C2CD3: variants seen among roughly 807,000 people sequenced by gnomAD.
C2CD3 encodes C2 domain containing 3 centriole elongation regulator, also known as C2 domain-containing protein 3.
A neutral mutation model predicts 234.0 loss-of-function variants in C2CD3; 148 were observed. That is an observed-to-expected ratio of 0.63 (90% CI 0.55 to 0.72). The LOEUF (loss-of-function observed/expected upper bound fraction) is 0.72, where lower values mean the gene tolerates loss of function less well. Ranked by LOEUF, C2CD3 falls within the 30% of genes least tolerant of loss-of-function variation. The probability of loss-of-function intolerance (pLI) is 0.00; values close to 1 mark genes in which losing one functional copy is unlikely to be tolerated. For synonymous variants in C2CD3, 1,000 were observed against 1,035.4 expected (o/e 0.97, Z 0.66); for missense variants, 2,577 against 2,811.5 (o/e 0.92, Z 1.89).
At chr11:74,140,050 T>G (rs1229156107) in intron 3 of C2CD3, among the ~76,000 whole-genome samples, 1 of 129,918 alleles carries the variant, frequency 7.7e-6, no homozygotes, top group African/African-American at 3.0e-5. Context: ...CCCCATTCCC[T>G]AGAGGATTGT....
At chr11:74,021,995 A>G (rs1352534212) in intron 32 of C2CD3, among the ~76,000 whole-genome samples, 2 of 152,124 alleles carry the variant, frequency 1.3e-5, no homozygotes, top group African/African-American at 2.4e-5. Context: ...GCGTGATGGC[A>G]CGCGCCTATA....
At chr11:74,129,091 A>G (rs1957528817) in intron 7 of C2CD3, 2 of 172,710 alleles carry the variant, frequency 1.2e-5, no homozygotes, top group Non-Finnish European at 2.3e-5. Flanking sequence ...GTGGCCGGGC[A>G]GAGGGGCTCC....
rs1239289498 is a variant in C2CD3 at position 74,078,449 on chromosome 11, A to AAGC, written c.4266_4268dup (p.Leu1423dup). 6.2e-7 allele frequency: 1 copy of AAGC among 1,614,206 alleles called. No individual in the cohort carries two copies. Among genetic ancestry groups the AAGC allele is most frequent in the Admixed American group, 1.7e-5 (1 of 60,024 alleles). On this transcript the variant is annotated inframe_insertion, in exon 23 of 33. Coordinates refer to ENST00000334126, the MANE Select transcript of C2CD3 (RefSeq NM_001286577.2). Reference sequence around the variant, plus strand: ...TCTTATGAATGTGGTTGTGGCCAGCAAGCAGCACACAATGGATGGGCAGCC... The same window carrying AAGC: ...TCTTATGAATGTGGTTGTGGCCAGCAAGCAGCAGCACACAATGGATGGGCAGCC...
chr11:74,098,233 G>A lies in C2CD3; in HGVS notation c.2755C>T (p.Leu919=), dbSNP rs17132707. ...SFKDAKISRL[L]LDAQYPVVAV... ...ACAACTGGGTACTGGGCATCCAGCA[G>A]CAGGCGAGAAATCTTAGCATCTCTA... The change falls in exon 16 of 33, where the codon CTG becomes TTG. Residue 919 remains leucine (L), a synonymous_variant. Coordinates refer to ENST00000334126, the MANE Select transcript of C2CD3 (RefSeq NM_001286577.2). The A allele has an allele frequency of 0.054, 87,001 of 1,613,812 alleles. 2,746 individuals are homozygous for A. The highest frequency in any genetic ancestry group is 0.084 in the Admixed American group (5,062 of 60,018).
intron 20 of C2CD3, among the ~76,000 whole-genome samples, chr11:74,087,385 G>A (rs530742136): frequency 6.6e-6 from 1 of 152,118 alleles, no homozygotes; most frequent in South Asian, 2.1e-4. Context: ...CCAACATGAC[G>A]AAACCCCATC....
Position 74,012,848 on chromosome 11 carries a change from T to G in C2CD3, c.*537A>C, listed in dbSNP as rs1176320506. On this transcript the variant is annotated 3_prime_UTR_variant, in exon 33 of 33. Coordinates refer to ENST00000334126, the MANE Select transcript of C2CD3 (RefSeq NM_001286577.2). ...GATAAAAAGTTTGAAGGAAGTGATT[T>G]CCCCTTCCTCTCCTAATTGATTAAT... 6.6e-6 allele frequency: 1 copy of G among 152,162 alleles called. No homozygotes were observed. The highest frequency in any genetic ancestry group is 1.5e-5 in the Non-Finnish European group (1 of 68,034). 9.4% of individuals were successfully genotyped at this position (152,162 alleles called of 1,614,324 possible).
chr11:74,082,651 G>C (rs1234564027), intron 22 of C2CD3, among the ~76,000 whole-genome samples: 4 of 152,148 alleles, frequency 2.6e-5, no homozygotes, highest in African/African-American at 4.8e-5. Context: ...GATCGTGGTG[G>C]ATAAGCTTTT....
chr11:74,161,659 A>T, intron 2 of C2CD3, 103 bp from the exon 3 acceptor site: 1 of 656,840 alleles, frequency 1.5e-6, no homozygotes, highest in Non-Finnish European at 2.5e-6. Context: ...CTAACTTGAA[A>T]AAAAATATTT....
In C2CD3 at chr11:74,123,911, G is replaced by T. The variant is rs540001562; in HGVS notation, c.1218-776C>A. ...CTGCCACCATGCCTGGCTAATTTTT[G>T]TATTTTTAGAGATGGGGTTTCACCA... On this transcript the variant is annotated intron_variant, in intron 7 of 32. Coordinates refer to ENST00000334126, the MANE Select transcript of C2CD3 (RefSeq NM_001286577.2). Among the ~76,000 whole-genome samples the T allele has an allele frequency of 3.2e-3, 492 of 152,012 alleles. 3 individuals carry two copies. The Middle Eastern group carries it at 0.034, about 11-fold the overall frequency.
At chr11:74,161,834 T>TC (rs909739881) in intron 2 of C2CD3, among the ~76,000 whole-genome samples, 2 of 149,806 alleles carry the variant, frequency 1.3e-5, no homozygotes, top group Non-Finnish European at 3.0e-5. Context: ...TTTTTTTTTT[T>TC]CTTGAGACAG....
In C2CD3 at chr11:74,161,379, T is replaced by C; in HGVS notation, c.483+20A>G. 1 of 1,500,740 alleles carries C rather than the reference T, an allele frequency of 6.7e-7. No individual in the cohort carries two copies. The highest frequency in any genetic ancestry group is 9.1e-7 in the Non-Finnish European group (1 of 1,103,812). 93.0% of individuals were successfully genotyped at this position (1,500,740 alleles called of 1,614,324 possible). ...CAAAAAGTTTATTTTATGCAGCAAA[T>C]AATTAAAATATATTTTTACCTGGAG... On this transcript the variant is annotated intron_variant, in intron 3 of 32. Coordinates refer to ENST00000334126, the MANE Select transcript of C2CD3 (RefSeq NM_001286577.2).
At chr11:74,129,400 T>C in intron 7 of C2CD3, 1 of 164,288 alleles carries the variant, frequency 6.1e-6, no homozygotes, top group Non-Finnish European at 1.2e-5. Context: ...CCAGACGGGG[T>C]CGCGGCCGGG....
At chr11:74,014,086 T>A (rs1160486374) in intron 32 of C2CD3, among the ~76,000 whole-genome samples, 2 of 152,190 alleles carry the variant, frequency 1.3e-5, no homozygotes, top group Admixed American at 6.5e-5. Context: ...TGACAGGGCA[T>A]CACTAATTCC....
At chr11:74,092,046 G>GTATA (rs1164549243) in intron 19 of C2CD3, among the ~76,000 whole-genome samples, 1 of 148,924 alleles carries the variant, frequency 6.7e-6, no homozygotes, top group Non-Finnish European at 1.5e-5. Flanking sequence ...GTGTGTGTGT[G>GTATA]TATATATATA....
At chr11:74,073,059 T>C (rs1224659756) in intron 24 of C2CD3, among the ~76,000 whole-genome samples, 1 of 152,146 alleles carries the variant, frequency 6.6e-6, no homozygotes, top group Non-Finnish European at 1.5e-5. Context: ...GGGGAAATTT[T>C]AGGAGATTAC....
In C2CD3 at chr11:74,098,027, A is replaced by C; in HGVS notation, c.2961T>G (p.Thr987=). The change falls in exon 16 of 33, where the codon ACT becomes ACG. Residue 987 remains threonine, a synonymous_variant. Transcript: ENST00000334126. ...TTATTACCATAGCAACAGATGCTGC[A>C]GTTGGCTGGTCCAGGAAATGGGCTG... ...PRPAHFLDQP[T]AASVAMAEDR... 1 of 1,614,046 alleles carries C rather than the reference A, an allele frequency of 6.2e-7. No homozygotes were observed. Among genetic ancestry groups the C allele is most frequent in the Non-Finnish European group, 8.5e-7 (1 of 1,179,938 alleles).
Sources: gnomAD v4.1 joint callset for allele counts (sites outside exome capture counted in the v4.1 genomes callset) on GRCh38, gnomAD v4.1.1 for gene constraint, MANE v1.5 for transcripts, NCBI Gene and HGNC (gene_info 2026-07-23, HGNC 2026-07-21) for gene names.